The following JMJD1C variants were observed in gnomAD, a reference collection of about 807,000 sequenced individuals.
The protein encoded by JMJD1C is jumonji domain-containing protein 1C.
JMJD1C carries 31 observed loss-of-function variants against 245.3 expected under a neutral mutation model. The ratio of observed to expected loss-of-function variants is 0.13; its 90% CI spans 0.09 to 0.17. JMJD1C has a LOEUF of 0.17. Among genes scored for constraint, JMJD1C ranks in the 10% least tolerant of loss-of-function variants. The pLI is 1.00. For synonymous variants in JMJD1C, 1,057 were observed against 1,017.4 expected, an observed-to-expected ratio of 1.04 and a Z score of -0.74; for missense variants, 2,691 against 3,000.2, an observed-to-expected ratio of 0.90 and a Z score of 2.41.
At chr10:63,379,977 G>A (rs751565431) in intron 2 of JMJD1C, among the ~76,000 whole-genome samples, 11 of 149,220 alleles carry the variant, frequency 7.4e-5, no homozygotes, top group Non-Finnish European at 1.3e-4. Context: ...GTCTCACTCT[G>A]TTACTCAAGC....
At chr10:63,221,449 T>C (rs1848587075) in intron 3 of JMJD1C, among the ~76,000 whole-genome samples, 1 of 152,216 alleles carries the variant, frequency 6.6e-6, no homozygotes, top group Non-Finnish European at 1.5e-5. Context: ...ATTATGTTCC[T>C]TGGAAAATAC....
chr10:63,221,365 G>A (rs1848577673), intron 3 of JMJD1C, among the ~76,000 whole-genome samples: 1 of 151,394 alleles, frequency 6.6e-6, no homozygotes, highest in Non-Finnish European at 1.5e-5. Flanking sequence ...GAATAGTATT[G>A]TGGTAAATAT....
intron 2 of JMJD1C, among the ~76,000 whole-genome samples, chr10:63,305,629 C>CGTGCGT (rs1554880824): frequency 6.6e-5 from 8 of 121,774 alleles, no homozygotes; most frequent in Middle Eastern, 4.5e-3. Context: ...ACCATGCTGG[C>CGTGCGT]GTGTGTGTGT....
At chr10:63,315,419 T>C (rs1291640201) in intron 2 of JMJD1C, among the ~76,000 whole-genome samples, 1 of 152,226 alleles carries the variant, frequency 6.6e-6, no homozygotes, top group Non-Finnish European at 1.5e-5. Context: ...TTTCATCTAT[T>C]GTAACATTCC....
intron 3 of JMJD1C, among the ~76,000 whole-genome samples, chr10:63,220,837 G>A (rs566937584): frequency 3.9e-5 from 6 of 152,130 alleles, no homozygotes; most frequent in East Asian, 1.9e-4. Flanking sequence ...GGCCGGGCGC[G>A]GTGGCTCACG....
At chr10:63,204,506 T>C in intron 10 of JMJD1C, 3 of 985,442 alleles carry the variant, frequency 3.0e-6, no homozygotes, top group Non-Finnish European at 3.6e-6. Flanking sequence ...TTTTGTTTTT[T>C]AAGTTTTACT....
At chr10:63,430,869 G>A (rs900318799) in intron 1 of JMJD1C, among the ~76,000 whole-genome samples, 4 of 152,110 alleles carry the variant, frequency 2.6e-5, no homozygotes, top group South Asian at 2.1e-4. Flanking sequence ...TCAGCTTCCC[G>A]AGTAGCTGGG....
At chr10:63,485,435 G>GA (rs1176862838) in intron 1 of JMJD1C, among the ~76,000 whole-genome samples, 8 of 151,588 alleles carry the variant, frequency 5.3e-5, no homozygotes, top group African/African-American at 7.3e-5. Context: ...GCAGCAGGGA[G>GA]AAAAAAAAGA....
At chr10:63,260,574 T>C (rs1214270136) in intron 3 of JMJD1C, among the ~76,000 whole-genome samples, 1 of 151,908 alleles carries the variant, frequency 6.6e-6, no homozygotes, top group Non-Finnish European at 1.5e-5. Context: ...CCACAGAGAT[T>C]ATAGTAACAA....
At chr10:63,202,328 T>C (rs778573561) in intron 10 of JMJD1C, 214 of 985,040 alleles carry the variant, frequency 2.2e-4, no homozygotes, top group Admixed American at 3.1e-4. Context: ...AAGTGTCTTA[T>C]TGCACCCATA....
chr10:63,302,222 C>T (rs1305310627), intron 2 of JMJD1C, among the ~76,000 whole-genome samples: 1 of 152,124 alleles, frequency 6.6e-6, no homozygotes, highest in Non-Finnish European at 1.5e-5. Flanking sequence ...TCTTCTAATA[C>T]ATACAAGAAG....
At chr10:63,368,203 A>G (rs1171592784) in intron 2 of JMJD1C, among the ~76,000 whole-genome samples, 7 of 152,242 alleles carry the variant, frequency 4.6e-5, no homozygotes, top group Non-Finnish European at 7.3e-5. Flanking sequence ...TTGGGCATTA[A>G]CTGACACTGC....
At chr10:63,383,488 C>CA (rs1947368255) in intron 1 of JMJD1C, among the ~76,000 whole-genome samples, 1 of 152,182 alleles carries the variant, frequency 6.6e-6, no homozygotes, top group East Asian at 1.9e-4. Flanking sequence ...CACTTAAACT[C>CA]AGGAGTTCAA....
intron 1 of JMJD1C, among the ~76,000 whole-genome samples, chr10:63,482,552 C>T (rs184528296): frequency 2.0e-5 from 3 of 152,230 alleles, no homozygotes; most frequent in Non-Finnish European, 2.9e-5. Context: ...AGGAGAATCG[C>T]TTGAACTCAG....
chr10:63,505,717 C>A (rs1795049523), intron 1 of JMJD1C, among the ~76,000 whole-genome samples: 1 of 151,726 alleles, frequency 6.6e-6, no homozygotes, highest in South Asian at 2.1e-4. Flanking sequence ...GCTGTACAAA[C>A]AATTTCAAGA....
chr10:63,212,020 T>C (rs1039422304), intron 8 of JMJD1C, among the ~76,000 whole-genome samples: 2 of 152,054 alleles, frequency 1.3e-5, no homozygotes, highest in African/African-American at 4.8e-5. Context: ...ATGTCACATG[T>C]TGCAACATGG....
At chr10:63,183,650 C>T (rs1275645433) in intron 21 of JMJD1C, 81 bp from the exon 22 acceptor site, 2 of 765,732 alleles carry the variant, frequency 2.6e-6, no homozygotes, top group Non-Finnish European at 3.9e-6. Context: ...CAAATTAGCT[C>T]GATCTGCATA....
intron 2 of JMJD1C, among the ~76,000 whole-genome samples, chr10:63,271,414 A>C (rs568015126): frequency 2.0e-5 from 3 of 152,086 alleles, no homozygotes; most frequent in Admixed American, 6.5e-5. Flanking sequence ...CTGGCCTCAA[A>C]TGATCCACCG....
intron 10 of JMJD1C, chr10:63,204,406 G>C (rs1466592370): frequency 1.0e-6 from 1 of 984,970 alleles, no homozygotes; most frequent in African/African-American, 1.7e-5. Context: ...GATGAAAAGA[G>C]AATACGTATT....
Sources: gnomAD v4.1 joint callset for allele counts (sites outside exome capture counted in the v4.1 genomes callset) on GRCh38, gnomAD v4.1.1 for gene constraint, MANE v1.5 for transcripts, NCBI Gene and HGNC (gene_info 2026-07-23, HGNC 2026-07-21) for gene names.